EHBP1: variants seen among roughly 807,000 people sequenced by gnomAD.
The protein encoded by EHBP1 is EH domain binding protein 1, also known as EH domain-binding protein 1.
A neutral mutation model predicts 144.0 loss-of-function variants in EHBP1; 55 were observed. The ratio of observed to expected loss-of-function variants is 0.38; its 90% CI spans 0.31 to 0.48. The LOEUF (loss-of-function observed/expected upper bound fraction) is 0.48, where lower values mean the gene tolerates loss of function less well. Among genes scored for constraint, EHBP1 ranks in the 20% least tolerant of loss-of-function variants. EHBP1 has a pLI of 0.98. For synonymous variants in EHBP1, 469 were observed against 472.7 expected (o/e 0.99, Z 0.10); for missense variants, 1,200 against 1,364.2 (o/e 0.88, Z 1.90).
At chr2:62,810,307 G>T (rs914143949) in intron 5 of EHBP1, among the ~76,000 whole-genome samples, 2 of 152,222 alleles carry the variant, frequency 1.3e-5, no homozygotes, top group African/African-American at 4.8e-5. Flanking sequence ...ACCGAGGTGT[G>T]TGTGAGACTA....
chr2:62,735,989 GT>G (rs953216571), intron 2 of EHBP1, among the ~76,000 whole-genome samples: 10 of 151,906 alleles, frequency 6.6e-5, no homozygotes, highest in African/African-American at 2.4e-4. Flanking sequence ...CTAAGTGTAG[GT>G]TTTTTGGCCT....
chr2:62,735,508 A>G (rs941868053), intron 2 of EHBP1, among the ~76,000 whole-genome samples: 2 of 152,194 alleles, frequency 1.3e-5, no homozygotes, highest in African/African-American at 4.8e-5. Context: ...AAGGATATAT[A>G]ATCAAATACA....
chr2:62,926,690 A>T (rs907473762), intron 10 of EHBP1, among the ~76,000 whole-genome samples: 4 of 152,122 alleles, frequency 2.6e-5, no homozygotes, highest in African/African-American at 9.7e-5. Context: ...CAACAAAAAA[A>T]CAAATGCTGG....
chr2:62,948,762 A>G lies in EHBP1; in HGVS notation c.1916A>G (p.Asn639Ser), dbSNP rs760416602. 2.5e-6 allele frequency: 4 copies of G among 1,614,168 alleles called. No homozygotes were observed. The highest frequency in any genetic ancestry group is 1.7e-5 in the Admixed American group (1 of 60,022). ...SGSDDPGICS[N>S]TDSTQAQVLL... ...TCTGATGACCCTGGAATATGTTCCA[A>G]TACAGATTCAACCCAAGCACAGGTT... The change falls in exon 13 of 23, where the codon AAT (asparagine) becomes AGT (serine). Residue 639 changes from asparagine (N) to serine (S), a missense_variant. Asn to Ser is a conservative substitution (Grantham distance 46, BLOSUM62 1). Around this residue, in one of 6 missense-constraint regions of EHBP1, gnomAD observed 543 missense variants for 513.1 expected, o/e 1.06. Coordinates refer to ENST00000431489, the MANE Select transcript of EHBP1 (RefSeq NM_001142616.3).
chr2:62,853,028 T>G (rs1274466488), intron 7 of EHBP1, among the ~76,000 whole-genome samples: 4 of 152,214 alleles, frequency 2.6e-5, no homozygotes, highest in African/African-American at 7.2e-5. Flanking sequence ...CAAGCAATTT[T>G]GGTTATGCAA....
Position 62,993,995 on chromosome 2 carries a change from G to A in EHBP1, c.2979+18G>A, listed in dbSNP as rs1034817826. The A allele has an allele frequency of 6.7e-7, 1 of 1,503,210 alleles. No homozygotes were observed. The highest frequency in any genetic ancestry group is 1.4e-5 in the African/African-American group (1 of 71,304). 93.1% of individuals were successfully genotyped at this position (1,503,210 alleles called of 1,614,324 possible). On this transcript the variant is annotated intron_variant, in intron 18 of 22. Coordinates refer to ENST00000431489, the MANE Select transcript of EHBP1 (RefSeq NM_001142616.3). ...TGCTTAATGTATATTAATTTTTTGT[G>A]TGGTTTCATGATTGCTGATAATTCC...
intron 19 of EHBP1, among the ~76,000 whole-genome samples, chr2:63,024,998 A>G (rs78030424): frequency 5.2e-4 from 74 of 143,036 alleles, no homozygotes; most frequent in African/African-American, 1.7e-3. Context: ...CCACTCTGGG[A>G]AAAAAAAAAA....
chr2:62,813,817 T>C (rs550574174), intron 5 of EHBP1, among the ~76,000 whole-genome samples: 26 of 152,350 alleles, frequency 1.7e-4, no homozygotes, highest in African/African-American at 6.3e-4. Context: ...TTTCTCTCTT[T>C]TGAAATGGGA....
chr2:62,688,603 T>C (rs558652456), intron 1 of EHBP1, among the ~76,000 whole-genome samples: 40 of 152,306 alleles, frequency 2.6e-4, no homozygotes, highest in Non-Finnish European at 4.3e-4. Flanking sequence ...TATCCTTTAA[T>C]AAATCTCCCC....
chr2:63,013,912 T>G (rs1184423726), intron 19 of EHBP1, among the ~76,000 whole-genome samples: 1 of 152,194 alleles, frequency 6.6e-6, no homozygotes, highest in East Asian at 1.9e-4. Flanking sequence ...CTCCATAATA[T>G]CAATGACACC....
chr2:63,000,590 G>C (rs557848843), intron 19 of EHBP1, among the ~76,000 whole-genome samples: 2 of 152,088 alleles, frequency 1.3e-5, no homozygotes, highest in East Asian at 1.9e-4. Flanking sequence ...CCAGCTACTC[G>C]GGAAGCTGAG....
intron 10 of EHBP1, among the ~76,000 whole-genome samples, chr2:62,906,545 G>A (rs535827070): frequency 6.6e-6 from 1 of 152,236 alleles, no homozygotes; most frequent in South Asian, 2.1e-4. Context: ...CCTAAGTATT[G>A]CATTTTTGCA....
At chr2:62,861,070 C>CT (rs1362044765) in intron 8 of EHBP1, among the ~76,000 whole-genome samples, 2 of 136,788 alleles carry the variant, frequency 1.5e-5, no homozygotes, top group South Asian at 2.4e-4. Context: ...TCAGATTATT[C>CT]TTTTTTTGCT....
intron 7 of EHBP1, among the ~76,000 whole-genome samples, chr2:62,840,389 G>C (rs868309720): frequency 1.4e-4 from 18 of 132,588 alleles, no homozygotes; most frequent in African/African-American, 4.7e-4. Flanking sequence ...AAAAACCCTA[G>C]AAGAAAACCT....
chr2:62,703,364 C>T (rs1297182709), upstream of EHBP1, among the ~76,000 whole-genome samples: 2 of 151,936 alleles, frequency 1.3e-5, no homozygotes, highest in Non-Finnish European at 2.9e-5. Flanking sequence ...AAGATTAATA[C>T]TCGGTATTCA....
chr2:62,875,351 T>G (rs903750937), intron 10 of EHBP1, among the ~76,000 whole-genome samples: 1 of 152,156 alleles, frequency 6.6e-6, no homozygotes, highest in Admixed American at 6.5e-5. Flanking sequence ...GCCCTGTGGG[T>G]TAGAGCATGC....
intron 5 of EHBP1, among the ~76,000 whole-genome samples, chr2:62,820,738 A>G (rs1167756236): frequency 2.9e-3 from 8 of 2,736 alleles, no homozygotes; most frequent in East Asian, 0.034. Context: ...TGTGTGTATA[A>G]TATATATATA....
intron 15 of EHBP1, among the ~76,000 whole-genome samples, chr2:62,989,430 G>T (rs2059327655): frequency 6.6e-6 from 1 of 152,088 alleles, no homozygotes; most frequent in Non-Finnish European, 1.5e-5. Context: ...GGAAAAAATA[G>T]CCATTTCTTA....
rs534460366 is a variant in EHBP1 at position 62,876,250 on chromosome 2, C to G, written c.1185+1718C>G. ...AGAGAGAAAGGGCATGTCACCTTTA[C>G]AGGAACTCCACCAGGCTAACCACAG... On this transcript the variant is annotated intron_variant, in intron 10 of 22. Coordinates refer to ENST00000431489, the MANE Select transcript of EHBP1 (RefSeq NM_001142616.3). Among the ~76,000 whole-genome samples the G allele has an allele frequency of 2.0e-5, 3 of 152,250 alleles. No homozygotes were observed. The South Asian group carries it at 6.2e-4, about 32-fold the overall frequency.
Sources: gnomAD v4.1 joint callset for allele counts (sites outside exome capture counted in the v4.1 genomes callset) on GRCh38, gnomAD v4.1.1 for gene constraint, gnomAD v4.1.1 regional missense constraint, MANE v1.5 for transcripts, NCBI Gene and HGNC (gene_info 2026-07-23, HGNC 2026-07-21) for gene names.